The following RASSF10 variants were observed in gnomAD, a reference collection of about 807,000 sequenced individuals.
RASSF10 encodes Ras association domain family member 10.
Under a neutral mutation model 41.5 loss-of-function variants are expected in RASSF10, and 22 were observed. That is an observed-to-expected ratio of 0.53 (90% CI 0.38 to 0.76). The LOEUF is 0.76. Among genes scored for constraint, RASSF10 ranks in the 30% least tolerant of loss-of-function variants. The pLI is 0.00. For missense variants in RASSF10, 776 were observed against 711.8 expected (o/e 1.09, Z -1.03); for synonymous variants, 364 against 319.0 (o/e 1.14, Z -1.50).
chr11:13,010,064 G>GGCCCA lies in RASSF10; in HGVS notation c.492_496dup (p.Leu166ProfsTer5), dbSNP rs1949563981. The GGCCCA allele has an allele frequency of 6.5e-7, 1 of 1,546,984 alleles. No homozygotes were observed. Among genetic ancestry groups the GGCCCA allele is most frequent in the South Asian group, 1.2e-5 (1 of 83,866 alleles). ...TGTCCGGCCCGCGGGGCCCCGGCGC[G>GGCCCA]GCCCAGCCTGGCCATGACCCAGGAG... On this transcript the variant is annotated frameshift_variant, in exon 1 of 1. Coordinates refer to ENST00000529419, the MANE Select transcript of RASSF10 (RefSeq NM_001080521.3). LOFTEE classifies it high-confidence loss of function. This position sits in a 1 kb window ranked among gnomAD's most constrained non-coding sequence, Gnocchi z 4.8.
Position 13,010,504 on chromosome 11 carries a change from C to T in RASSF10, c.928C>T (p.Leu310=). 1.3e-6 allele frequency: 2 copies of T among 1,516,328 alleles called. No homozygotes were observed. The highest frequency in any genetic ancestry group is 1.8e-6 in the Non-Finnish European group (2 of 1,131,804). The allele number at this position is 1,516,328 out of a possible 1,614,324, so 93.9% of individuals were successfully genotyped here. The change falls in exon 1 of 1, where the codon CTA becomes TTA. Residue 310 remains leucine, a synonymous_variant. Transcript: ENST00000529419. The surrounding 1 kb of genome is among the most constrained non-coding windows in gnomAD (Gnocchi z 4.8). The part of the protein sequence containing the change: ...EAEEAAAAPP[L]AGEAQAAALE... ...GGAGGAGGCGGCGGCGGCGCCCCCTCTAGCCGGCGAGGCGCAGGCGGCGGC... is the reference window on the plus strand; with the variant it reads ...GGAGGAGGCGGCGGCGGCGCCCCCTTTAGCCGGCGAGGCGCAGGCGGCGGC...
In RASSF10 at chr11:13,011,129, A is replaced by C. The variant is rs1460071354; in HGVS notation, c.*29A>C. 5 of 59,202 alleles carry C rather than the reference A, an allele frequency of 8.4e-5. No homozygotes were observed. The highest frequency in any genetic ancestry group is 6.7e-3 in the Middle Eastern group (1 of 150). The allele number at this position is 59,202 out of a possible 1,614,324, so 3.7% of individuals were successfully genotyped here. ...TGGGGGGCGGGGGGCGGGGGGCGGGAACAGGGGGATTCTTTTTTCTTGCAG... is the reference window on the plus strand; with the variant it reads ...TGGGGGGCGGGGGGCGGGGGGCGGGCACAGGGGGATTCTTTTTTCTTGCAG... On this transcript the variant is annotated 3_prime_UTR_variant, in exon 1 of 1. Coordinates refer to ENST00000529419, the MANE Select transcript of RASSF10 (RefSeq NM_001080521.3).
Position 13,009,795 on chromosome 11 carries a change from G to A in RASSF10, c.219G>A (p.Glu73=). The A allele has an allele frequency of 6.2e-7, 1 of 1,606,910 alleles. No homozygotes were observed. The highest frequency in any genetic ancestry group is 1.1e-5 in the South Asian group (1 of 90,036). Residue 73 remains glutamate, a synonymous_variant, in exon 1 of 1, where the codon GAG becomes GAA. Coordinates refer to ENST00000529419, the MANE Select transcript of RASSF10 (RefSeq NM_001080521.3). ...ELPEPPNEDD[E]DDDEALPQGM... is the part of the protein sequence containing the mutation. ...CCGAACCCCCGAACGAGGACGACGA[G>A]GACGACGACGAGGCGCTGCCGCAGG... is the stretch of plus-strand genomic sequence containing the variant.
In RASSF10 at chr11:13,011,279, G is replaced by GT. The variant is rs1949578716; in HGVS notation, c.*180dup. 1 of 590,740 alleles carries GT rather than the reference G, an allele frequency of 1.7e-6. No individual in the cohort carries two copies. 36.6% of individuals were successfully genotyped at this position (590,740 alleles called of 1,614,324 possible). On this transcript the variant is annotated 3_prime_UTR_variant, in exon 1 of 1. Coordinates refer to ENST00000529419, the MANE Select transcript of RASSF10 (RefSeq NM_001080521.3). ...GGCTCCGGGGTGAGTGCAGAGCAGG[G>GT]TGAGGGTAGAAGAAGTAGGATCCTC...
chr11:13,009,542 C>G lies in RASSF10; in HGVS notation c.-35C>G, dbSNP rs768859893. ...GCTGTCCTCGCCGCCCCAGCAGACC[C>G]CGGCCGGACCTGCCACCTGCGCCCT... On this transcript the variant is annotated 5_prime_UTR_variant, in exon 1 of 1. Coordinates refer to ENST00000529419, the MANE Select transcript of RASSF10 (RefSeq NM_001080521.3). The G allele has an allele frequency of 7.5e-6, 12 of 1,591,366 alleles. No individual in the cohort carries two copies. The African/African-American group carries it at 1.5e-4, about 20-fold the overall frequency.
At position 13,010,326 on chromosome 11, in the gene RASSF10, C is replaced by A; in HGVS notation, c.750C>A (p.Asp250Glu). The A allele has an allele frequency of 6.4e-7, 1 of 1,551,608 alleles. No individual in the cohort carries two copies. Among genetic ancestry groups the A allele is most frequent in the Non-Finnish European group, 8.7e-7 (1 of 1,147,174 alleles). Residue 250 changes from aspartate (D) to glutamate (E), a missense_variant, in exon 1 of 1, where the codon GAC (aspartate) becomes GAA (glutamate). Physicochemically the swap from Asp to Glu is conservative, Grantham distance 45 (BLOSUM62 2). Coordinates refer to ENST00000529419, the MANE Select transcript of RASSF10 (RefSeq NM_001080521.3). This position sits in a 1 kb window ranked among gnomAD's most constrained non-coding sequence, Gnocchi z 4.8. ...AGGTGCAGCGGCTCCACGAGCTGGA[C>A]CGCGAGATCGATCACTACGAGGCCA... ...RQQVQRLHEL[D>E]REIDHYEAKV...
rs1949582889 is a variant in RASSF10 at position 13,011,886 on chromosome 11, G to A, written c.*786G>A. On this transcript the variant is annotated 3_prime_UTR_variant, in exon 1 of 1. Transcript: ENST00000529419. ...GGTTAAAATTTAATCTGGGCCCTTT[G>A]GGATCTGTCCCTTCAAAGGCAGGTG... is the stretch of plus-strand genomic sequence containing the variant. The A allele has an allele frequency of 6.6e-6, 1 of 152,186 alleles. No homozygotes were observed. Among genetic ancestry groups the A allele is most frequent in the African/African-American group, 2.4e-5 (1 of 41,444 alleles). 9.4% of individuals were successfully genotyped at this position (152,186 alleles called of 1,614,324 possible).
chr11:13,009,734 G>A lies in RASSF10; in HGVS notation c.158G>A (p.Gly53Glu). Residue 53 changes from glycine (G) to glutamate (E), a missense_variant, in exon 1 of 1, where the codon GGG becomes GAG. Physicochemically the swap from Gly to Glu is moderately conservative, Grantham distance 98. Coordinates refer to ENST00000529419, the MANE Select transcript of RASSF10 (RefSeq NM_001080521.3). The stretch of plus-strand genomic sequence containing the variant: ...AGACAGCGGCGGAGCCGGCGGCTGG[G>A]GTCGGCCGGCGACCCGCATGGCCCG... ...RRRQRRSRRLGSAGDPHGPGE... is the reference protein window; with the variant it reads ...RRRQRRSRRLESAGDPHGPGE... The A allele has an allele frequency of 6.3e-7, 1 of 1,581,070 alleles. No homozygotes were observed.
chr11:13,009,380 A>G lies in RASSF10; in HGVS notation c.-197A>G. 7.7e-7 allele frequency: 1 copy of G among 1,295,148 alleles called. No homozygotes were observed. Among genetic ancestry groups the G allele is most frequent in the African/African-American group, 1.5e-5 (1 of 66,708 alleles). The allele number at this position is 1,295,148 out of a possible 1,614,324, so 80.2% of individuals were successfully genotyped here. A position where few individuals can be genotyped will look rare whatever the true frequency, so the allele number is the denominator to read the frequency against. ...CCGGGAGCGCCCGTCGTCCGGGCAG[A>G]GCGCAGCCGCAACCGCGACCACAGC... On this transcript the variant is annotated 5_prime_UTR_variant, in exon 1 of 1. Transcript: ENST00000529419.
In RASSF10 at chr11:13,010,480, G is replaced by T; in HGVS notation, c.904G>T (p.Glu302Ter). The T allele has an allele frequency of 6.6e-7, 1 of 1,521,378 alleles. No homozygotes were observed. Among genetic ancestry groups the T allele is most frequent in the Non-Finnish European group, 8.8e-7 (1 of 1,133,596 alleles). The allele number at this position is 1,521,378 out of a possible 1,614,324, so 94.2% of individuals were successfully genotyped here. Reference protein sequence around the residue: ...EEPEEVAAEAEEAAAAPPLAG... With the variant: ...EEPEEVAAEA ...GCCAGAAGAGGTGGCGGCGGAGGCG[G>T]AGGAGGCGGCGGCGGCGCCCCCTCT... Residue 302 changes from glutamate to a stop codon, truncating the protein, a stop_gained, in exon 1 of 1, where the codon GAG becomes TAG. Coordinates refer to ENST00000529419, the MANE Select transcript of RASSF10 (RefSeq NM_001080521.3). LOFTEE classifies it high-confidence loss of function. This position sits in a 1 kb window ranked among gnomAD's most constrained non-coding sequence, Gnocchi z 4.8.
At position 13,010,320 on chromosome 11, in the gene RASSF10, G is replaced by A; in HGVS notation, c.744G>A (p.Glu248=). 6.4e-7 allele frequency: 1 copy of A among 1,551,684 alleles called. No homozygotes were observed. The highest frequency in any genetic ancestry group is 8.7e-7 in the Non-Finnish European group (1 of 1,147,244). ...GCCAGCAGGTGCAGCGGCTCCACGA[G>A]CTGGACCGCGAGATCGATCACTACG... ...TIRQQVQRLH[E]LDREIDHYEA... Residue 248 remains glutamate, a synonymous_variant, in exon 1 of 1, where the codon GAG becomes GAA. Transcript: ENST00000529419. The surrounding 1 kb of genome is among the most constrained non-coding windows in gnomAD (Gnocchi z 4.8).
At position 13,010,466 on chromosome 11, in the gene RASSF10, T is replaced by TGGCGGCGGAGGCGGAGGA. The variant is rs1554957247; in HGVS notation, c.899_916dup (p.Glu300_Ala305dup). The TGGCGGCGGAGGCGGAGGA allele has an allele frequency of 1.2e-4, 177 of 1,527,756 alleles. No individual in the cohort carries two copies. The African/African-American group carries it at 2.1e-3, about 18-fold the overall frequency. The allele number at this position is 1,527,756 out of a possible 1,614,324, so 94.6% of individuals were successfully genotyped here. ...AGACCGGGAGAGGAGCCAGAAGAGGTGGCGGCGGAGGCGGAGGAGGCGGCG... is the reference window on the plus strand; with the variant it reads ...AGACCGGGAGAGGAGCCAGAAGAGGTGGCGGCGGAGGCGGAGGAGGCGGCGGAGGCGGAGGAGGCGGCG... On this transcript the variant is annotated inframe_insertion, in exon 1 of 1. Coordinates refer to ENST00000529419, the MANE Select transcript of RASSF10 (RefSeq NM_001080521.3). The surrounding 1 kb of genome is among the most constrained non-coding windows in gnomAD (Gnocchi z 4.8).
At position 13,010,516 on chromosome 11, in the gene RASSF10, G is replaced by A. The variant is rs1384959286; in HGVS notation, c.940G>A (p.Ala314Thr). ...AAAAPPLAGE[A>T]QAAALEELAR... is the part of the protein sequence containing the mutation. ...GGCGGCGCCCCCTCTAGCCGGCGAG[G>A]CGCAGGCGGCGGCGCTGGAGGAGCT... Residue 314 changes from alanine (A) to threonine (T), a missense_variant, in exon 1 of 1, where the codon GCG (alanine) becomes ACG (threonine). By Grantham distance (58) the Ala-to-Thr change is moderately conservative. Transcript: ENST00000529419. This position sits in a 1 kb window ranked among gnomAD's most constrained non-coding sequence, Gnocchi z 4.8. 1 of 1,516,396 alleles carries A rather than the reference G, an allele frequency of 6.6e-7. No homozygotes were observed. The allele number at this position is 1,516,396 out of a possible 1,614,324, so 93.9% of individuals were successfully genotyped here.
chr11:13,010,834 C>G lies in RASSF10; in HGVS notation c.1258C>G (p.Gln420Glu), dbSNP rs1399568568. Residue 420 changes from glutamine to glutamate, a missense_variant, in exon 1 of 1, where the codon CAG (glutamine) becomes GAG (glutamate). By Grantham distance (29) the Gln-to-Glu change is conservative (BLOSUM62 2). Coordinates refer to ENST00000529419, the MANE Select transcript of RASSF10 (RefSeq NM_001080521.3). The surrounding 1 kb of genome is among the most constrained non-coding windows in gnomAD (Gnocchi z 4.8). ...CAAGTCGGACTTGGATTACAGCCAG[C>G]AGCAATGGGACAGCAAGAAGCGCGA... Reference protein sequence around the residue: ...AVKSDLDYSQQQWDSKKRELQ... With the variant: ...AVKSDLDYSQEQWDSKKRELQ... The G allele has an allele frequency of 1.9e-6, 3 of 1,613,788 alleles. No homozygotes were observed. Among genetic ancestry groups the G allele is most frequent in the Admixed American group, 1.7e-5 (1 of 60,002 alleles).
At position 13,010,931 on chromosome 11, in the gene RASSF10, G is replaced by A. The variant is rs747243432; in HGVS notation, c.1355G>A (p.Gly452Asp). Residue 452 changes from glycine (G) to aspartate (D), a missense_variant, in exon 1 of 1, where the codon GGC becomes GAC. Transcript: ENST00000529419. The surrounding 1 kb of genome is among the most constrained non-coding windows in gnomAD (Gnocchi z 4.8). ...TVAPDGAPGS[G>D]SPSREPGPQA... ...GCACCGGATGGGGCTCCTGGCTCTGGCAGTCCCTCGCGGGAACCTGGGCCT... is the reference window on the plus strand; with the variant it reads ...GCACCGGATGGGGCTCCTGGCTCTGACAGTCCCTCGCGGGAACCTGGGCCT... 1.9e-6 allele frequency: 3 copies of A among 1,613,702 alleles called. No homozygotes were observed. The East Asian group carries it at 6.7e-5, about 36-fold the overall frequency.
chr11:13,011,841 A>G lies in RASSF10; in HGVS notation c.*741A>G, dbSNP rs1342877936. On this transcript the variant is annotated 3_prime_UTR_variant, in exon 1 of 1. Coordinates refer to ENST00000529419, the MANE Select transcript of RASSF10 (RefSeq NM_001080521.3). ...CAAACATAATCATTTGAGATATAAA[A>G]TCCTGGCAAACATAATCGTGGTTAA... is the stretch of plus-strand genomic sequence containing the variant. The G allele has an allele frequency of 2.6e-5, 4 of 152,362 alleles. No homozygotes were observed. Among genetic ancestry groups the G allele is most frequent in the African/African-American group, 9.6e-5 (4 of 41,592 alleles). 9.4% of individuals were successfully genotyped at this position (152,362 alleles called of 1,614,324 possible).
Position 13,010,305 on chromosome 11 carries a change from G to T in RASSF10, c.729G>T (p.Val243=), listed in dbSNP as rs774213092. 29 of 1,552,644 alleles carry T rather than the reference G, an allele frequency of 1.9e-5. No homozygotes were observed. The South Asian group carries it at 2.6e-4, about 14-fold the overall frequency. The change falls in exon 1 of 1, where the codon GTG becomes GTT. Residue 243 remains valine (V), a synonymous_variant. Transcript: ENST00000529419. The surrounding 1 kb of genome is among the most constrained non-coding windows in gnomAD (Gnocchi z 4.8). The part of the protein sequence containing the change: ...LSQDHTIRQQ[V]QRLHELDREI... ...AGGACCACACAATTCGCCAGCAGGT[G>T]CAGCGGCTCCACGAGCTGGACCGCG...
chr11:13,010,105 G>T lies in RASSF10; in HGVS notation c.529G>T (p.Val177Leu), dbSNP rs1170479794. Residue 177 changes from valine (V) to leucine (L), a missense_variant, in exon 1 of 1, where the codon GTG becomes TTG. Val to Leu is a conservative substitution (Grantham distance 32). Coordinates refer to ENST00000529419, the MANE Select transcript of RASSF10 (RefSeq NM_001080521.3). The surrounding 1 kb of genome is among the most constrained non-coding windows in gnomAD (Gnocchi z 4.8). ...GACCCAGGAGAAACAGCGGCGAGTG[G>T]TGCGCAAGGCCTTTCGCAAACTGGC... is the stretch of plus-strand genomic sequence containing the variant. ...AMTQEKQRRV[V>L]RKAFRKLAKL... is the part of the protein sequence containing the mutation. The T allele has an allele frequency of 1.3e-6, 2 of 1,551,478 alleles. No individual in the cohort carries two copies. Among genetic ancestry groups the T allele is most frequent in the African/African-American group, 2.7e-5 (2 of 73,082 alleles).
rs1356719221 is a variant in RASSF10 at position 13,010,397 on chromosome 11, A to C, written c.821A>C (p.Gln274Pro). ...RMRRHGVNYV[Q>P]DTYLVGAGIE... ...CGGCGTCACGGGGTCAACTACGTGC[A>C]GGACACTTACTTGGTTGGGGCAGGC... Residue 274 changes from glutamine to proline, a missense_variant, in exon 1 of 1, where the codon CAG (glutamine) becomes CCG (proline). By Grantham distance (76) the Gln-to-Pro change is moderately conservative (BLOSUM62 -1). Transcript: ENST00000529419. The surrounding 1 kb of genome is among the most constrained non-coding windows in gnomAD (Gnocchi z 4.8). 1 of 1,550,542 alleles carries C rather than the reference A, an allele frequency of 6.4e-7. No homozygotes were observed. Among genetic ancestry groups the C allele is most frequent in the Admixed American group, 2.0e-5 (1 of 51,002 alleles).
Sources: gnomAD v4.1 joint callset for allele counts on GRCh38, gnomAD v4.1.1 for gene constraint, Gnocchi (gnomAD v3.1) non-coding constraint, MANE v1.5 for transcripts, NCBI Gene and HGNC (gene_info 2026-07-23, HGNC 2026-07-21) for gene names.